The following VNN2 variants were observed in gnomAD, a reference collection of about 807,000 sequenced individuals.
VNN2 encodes the protein vanin 2.
A neutral mutation model predicts 43.0 loss-of-function variants in VNN2; 43 were observed. The observed-to-expected ratio is 1.00, with a 90% CI of 0.78 to 1.29. The LOEUF is 1.29. Ranked by LOEUF, VNN2 falls within the 50% of genes most tolerant of loss-of-function variation. The probability of loss-of-function intolerance (pLI) is 0.00; values close to 1 mark genes in which losing one functional copy is unlikely to be tolerated. For synonymous variants in VNN2, 230 were observed against 224.3 expected (o/e 1.03, Z -0.23); for missense variants, 652 against 619.7 (o/e 1.05, Z -0.55).
intron 3 of VNN2, 120 bp downstream of exon 3, chr6:132,755,723 A>G: frequency 8.7e-7 from 1 of 1,148,348 alleles, no homozygotes; most frequent in Non-Finnish European, 1.2e-6. Context: ...AAAAAACAAA[A>G]CAAAACAAAA....
chr6:132,753,868 G>A (rs987837005), intron 3 of VNN2: 1 of 152,180 alleles, frequency 6.6e-6, no homozygotes, highest in Non-Finnish European at 1.4e-5. Flanking sequence ...CAGGAGAATG[G>A]GTTGAACCTG....
At chr6:132,751,904 G>T (rs920731453) in intron 4 of VNN2, among the ~76,000 whole-genome samples, 1 of 152,122 alleles carries the variant, frequency 6.6e-6, no homozygotes, top group South Asian at 2.1e-4. Context: ...CTTCTTTCTG[G>T]TGGGAGGATC....
rs1392870524 is a variant in VNN2, at chr6:132,749,654, G to T, written c.1371+41C>A. On this transcript the variant is annotated intron_variant, in intron 6 of 6. Transcript: ENST00000326499. ...ATAGCTTGTTTTACTTGACTTCAGA[G>T]AACATATAAAATGAAAATACTCTTA... The T allele has an allele frequency of 1.9e-6, 3 of 1,558,836 alleles. No individual in the cohort carries two copies. In the East Asian group the frequency reaches 6.8e-5, roughly 36 times the overall value.
chr6:132,747,119 C>A (rs1016260189), intron 6 of VNN2, among the ~76,000 whole-genome samples: 1 of 152,080 alleles, frequency 6.6e-6, no homozygotes, highest in South Asian at 2.1e-4. Flanking sequence ...CCAATTTAAA[C>A]GGTAGGTGCT....
Position 132,751,430 on chromosome 6 carries a change from A to G in VNN2, c.915T>C (p.Asp305=). 1 of 1,614,188 alleles carries G rather than the reference A, an allele frequency of 6.2e-7. No homozygotes were observed. Among genetic ancestry groups the G allele is most frequent in the South Asian group, 1.1e-5 (1 of 91,090 alleles). ...ELGKLLLSEV[D]SHPLSSLAYP... ...AGGCAAGCGAGGATAGGGGATGTGA[A>G]TCCACCTCTGAAAGGAGAAGTTTTC... Residue 305 remains aspartate (D), a synonymous_variant, in exon 5 of 7, where the codon GAT becomes GAC. Coordinates refer to ENST00000326499, the MANE Select transcript of VNN2 (RefSeq NM_004665.6).
In VNN2 at chr6:132,751,509, A is replaced by C; in HGVS notation, c.836T>G (p.Ile279Ser). Residue 279 changes from isoleucine to serine, a missense_variant, in exon 5 of 7, where the codon ATT (isoleucine) becomes AGT (serine). Transcript: ENST00000326499. ...HVSLNMTGSG[I>S]YAPNGPKVYH... is the part of the protein sequence containing the mutation. ...CACTTTGGGACCATTTGGTGCATAA[A>C]TACCACTTCCTGTGAATGAAAGACA... 1 of 1,605,378 alleles carries C rather than the reference A, an allele frequency of 6.2e-7. No homozygotes were observed. Among genetic ancestry groups the C allele is most frequent in the Non-Finnish European group, 8.5e-7 (1 of 1,175,128 alleles).
Position 132,749,748 on chromosome 6 carries a change from C to A in VNN2, c.1318G>T (p.Val440Phe). Residue 440 changes from valine (V) to phenylalanine (F), a missense_variant, in exon 6 of 7, where the codon GTT becomes TTT. Transcript: ENST00000326499. ...TCGGTAAGTAGCACTTCAGGAAAAACATACTCTGTTCCAAATGTGCCACTG... is the reference window on the plus strand; with the variant it reads ...TCGGTAAGTAGCACTTCAGGAAAAAAATACTCTGTTCCAAATGTGCCACTG... ...SLSGTFGTEY[V>F]FPEVLLTEIH... The A allele has an allele frequency of 6.2e-7, 1 of 1,614,040 alleles. No individual in the cohort carries two copies. Among genetic ancestry groups the A allele is most frequent in the South Asian group, 1.1e-5 (1 of 91,052 alleles).
chr6:132,762,109 G>A (rs960805539), upstream of VNN2, among the ~76,000 whole-genome samples: 1 of 152,180 alleles, frequency 6.6e-6, no homozygotes, highest in African/African-American at 2.4e-5. Flanking sequence ...GGGGTTGACA[G>A]GGTACCTGGG....
At chr6:132,749,110 T>C (rs1163231176) in intron 6 of VNN2, among the ~76,000 whole-genome samples, 2 of 152,190 alleles carry the variant, frequency 1.3e-5, no homozygotes, top group Non-Finnish European at 2.9e-5. Context: ...TTGTTATAAA[T>C]TGAAAAAATG....
upstream of VNN2, among the ~76,000 whole-genome samples, chr6:132,760,234 G>A (rs1458506846): frequency 6.6e-6 from 1 of 152,114 alleles, no homozygotes; most frequent in African/African-American, 2.4e-5. Context: ...GAGTGCAGTG[G>A]TATGATCATG....
intron 6 of VNN2, among the ~76,000 whole-genome samples, chr6:132,748,599 G>C (rs1779862677): frequency 6.6e-6 from 1 of 152,166 alleles, no homozygotes; most frequent in African/African-American, 2.4e-5. Context: ...CCCTGCCACT[G>C]TTTGCCACAA....
chr6:132,751,398 G>A lies in VNN2; in HGVS notation c.947C>T (p.Thr316Ile), dbSNP rs1780084867. The stretch of plus-strand genomic sequence containing the variant: ...GGCGTAGGCATTCCAATTAACAGCT[G>A]TTGGGTAGGCAAGCGAGGATAGGGG... ...SHPLSSLAYPTAVNWNAYATT... is the reference protein window; with the variant it reads ...SHPLSSLAYPIAVNWNAYATT... The change falls in exon 5 of 7, where the codon ACA becomes ATA. Residue 316 changes from threonine (T) to isoleucine (I), a missense_variant. By Grantham distance (89) the Thr-to-Ile change is moderately conservative. Coordinates refer to ENST00000326499, the MANE Select transcript of VNN2 (RefSeq NM_004665.6). The A allele has an allele frequency of 6.2e-7, 1 of 1,614,188 alleles. No homozygotes were observed. Among genetic ancestry groups the A allele is most frequent in the South Asian group, 1.1e-5 (1 of 91,082 alleles).
chr6:132,752,977 C>A, intron 3 of VNN2: 1 of 471,674 alleles, frequency 2.1e-6, no homozygotes, highest in Non-Finnish European at 3.7e-6. Flanking sequence ...CTCTCTCTTT[C>A]CCTCTCTCTC....
At chr6:132,753,565 A>G in intron 3 of VNN2, 1 of 427,612 alleles carries the variant, frequency 2.3e-6, no homozygotes, top group Non-Finnish European at 4.6e-6. Context: ...ACTTAGTCTA[A>G]TATAATAAAT....
rs944822140 is a variant in VNN2, at chr6:132,752,056, G to T, written c.826+405C>A. Among the ~76,000 whole-genome samples the T allele has an allele frequency of 3.3e-5, 5 of 152,236 alleles. No individual in the cohort carries two copies. The East Asian group carries it at 7.7e-4, about 23-fold the overall frequency. On this transcript the variant is annotated intron_variant, in intron 4 of 6. Coordinates refer to ENST00000326499, the MANE Select transcript of VNN2 (RefSeq NM_004665.6). ...TCTCTCTTGTCCCCTCTCATTAATTGCTCTAGAGGAAGACAGCAGCCATGT... is the reference window on the plus strand; with the variant it reads ...TCTCTCTTGTCCCCTCTCATTAATTTCTCTAGAGGAAGACAGCAGCCATGT...
intron 3 of VNN2, chr6:132,753,541 T>C (rs1780265017): frequency 2.3e-6 from 1 of 441,298 alleles, no homozygotes; most frequent in Non-Finnish European, 4.5e-6. Context: ...TCCTTCTAGG[T>C]AAACTAAAAA....
intron 3 of VNN2, chr6:132,753,344 T>C: frequency 2.8e-6 from 1 of 354,280 alleles, no homozygotes; most frequent in Non-Finnish European, 5.6e-6. Flanking sequence ...TCTTAAAAGT[T>C]AAAAAACATG....
chr6:132,744,205 G>T lies in VNN2; in HGVS notation c.*95C>A. The T allele has an allele frequency of 8.7e-7, 1 of 1,153,728 alleles. No homozygotes were observed. The highest frequency in any genetic ancestry group is 1.2e-6 in the Non-Finnish European group (1 of 808,674). 71.5% of individuals were successfully genotyped at this position (1,153,728 alleles called of 1,614,324 possible). On this transcript the variant is annotated 3_prime_UTR_variant, in exon 7 of 7. Coordinates refer to ENST00000326499, the MANE Select transcript of VNN2 (RefSeq NM_004665.6). ...TTAGGACTCACTGGTCTATACTACT[G>T]AAATAGCCCTTCAAAGTTTCTTAGT...
chr6:132,750,465 C>A (rs1255697293), intron 5 of VNN2, among the ~76,000 whole-genome samples: 1 of 115,520 alleles, frequency 8.7e-6, no homozygotes, highest in Non-Finnish European at 1.8e-5. Flanking sequence ...CATGGTGAAA[C>A]CCTGTCTCTA....
Sources: allele counts gnomAD v4.1 joint callset (sites outside exome capture counted in the v4.1 genomes callset), GRCh38; gene constraint gnomAD v4.1.1; transcripts MANE v1.5; gene names NCBI Gene and HGNC (gene_info 2026-07-23, HGNC 2026-07-21).